NCAM1: variants seen among roughly 807,000 people sequenced by gnomAD.
NCAM1 encodes neural cell adhesion molecule 1, also known as antigen recognized by monoclonal antibody 5.1H11.
Under a neutral mutation model 109.8 loss-of-function variants are expected in NCAM1, and 14 were observed. That is an observed-to-expected ratio of 0.13 (90% confidence interval 0.08 to 0.20). The LOEUF (loss-of-function observed/expected upper bound fraction) is 0.20. Among genes scored for constraint, NCAM1 ranks in the 10% least tolerant of loss-of-function variants. The pLI is 1.00. For synonymous variants in NCAM1, 418 were observed against 442.9 expected (o/e 0.94, Z 0.70); for missense variants, 774 against 1,109.9 (o/e 0.70, Z 4.30).
chr11:113,207,018 A>C (rs1437144200), intron 5 of NCAM1, among the ~76,000 whole-genome samples: 1 of 152,256 alleles, frequency 6.6e-6, no homozygotes, highest in Non-Finnish European at 1.5e-5. Context: ...CATGCATAAA[A>C]TGTATTACTA....
At chr11:113,241,822 C>T (rs1348261821) in intron 14 of NCAM1, among the ~76,000 whole-genome samples, 6 of 152,310 alleles carry the variant, frequency 3.9e-5, no homozygotes, top group East Asian at 1.9e-4. Flanking sequence ...AGGGTGGTGC[C>T]GCCTGGCTGG....
chr11:113,050,100 T>G, intron 1 of NCAM1, among the ~76,000 whole-genome samples: 1 of 95,222 alleles, frequency 1.1e-5, no homozygotes, highest in Non-Finnish European at 1.9e-5. Flanking sequence ...TGCTCTGTGG[T>G]GAGAACGCAT....
chr11:113,168,875 C>A (rs1446378469), intron 1 of NCAM1, among the ~76,000 whole-genome samples: 3 of 152,048 alleles, frequency 2.0e-5, no homozygotes, highest in African/African-American at 7.2e-5. Context: ...GCCAGGCAAC[C>A]AATTCTATAG....
chr11:112,976,288 T>C (rs1166082602), intron 1 of NCAM1, among the ~76,000 whole-genome samples: 2 of 151,966 alleles, frequency 1.3e-5, no homozygotes, highest in Admixed American at 6.6e-5. Context: ...TTGCTCAACA[T>C]GAGAGATTTA....
chr11:113,171,672 G>T (rs1047742564), intron 1 of NCAM1, among the ~76,000 whole-genome samples: 3 of 136,448 alleles, frequency 2.2e-5, no homozygotes, highest in African/African-American at 5.3e-5. Context: ...AATAAATAAA[G>T]AGAAGAGATA....
intron 9 of NCAM1, among the ~76,000 whole-genome samples, chr11:113,224,902 G>A (rs1277381230): frequency 2.0e-5 from 3 of 152,140 alleles, no homozygotes; most frequent in Non-Finnish European, 4.4e-5. Context: ...CTAACAAACA[G>A]AAAGAACATC....
intron 1 of NCAM1, chr11:113,130,857 G>T (rs895003661): frequency 1.3e-5 from 2 of 152,202 alleles, no homozygotes; most frequent in African/African-American, 4.8e-5. Flanking sequence ...TGTGATGGGG[G>T]TGTGTGTGAT....
intron 1 of NCAM1, among the ~76,000 whole-genome samples, chr11:113,114,407 A>G (rs782031613): frequency 6.6e-5 from 10 of 152,214 alleles, no homozygotes; most frequent in Non-Finnish European, 1.3e-4. Context: ...CTCCTAGGGC[A>G]TGGGGCTTCT....
chr11:113,131,326 G>A (rs1941373461), intron 1 of NCAM1, among the ~76,000 whole-genome samples: 1 of 152,154 alleles, frequency 6.6e-6, no homozygotes, highest in African/African-American at 2.4e-5. Flanking sequence ...GGCTGTGTGA[G>A]GGATGACACA....
intron 16 of NCAM1, among the ~76,000 whole-genome samples, chr11:113,258,722 T>A (rs966327643): frequency 6.6e-6 from 1 of 152,216 alleles, no homozygotes; most frequent in Non-Finnish European, 1.5e-5. Flanking sequence ...TCTTTACAAA[T>A]TAAGTGAATG....
chr11:113,163,187 G>T (rs1057514245), intron 1 of NCAM1, among the ~76,000 whole-genome samples: 22 of 152,164 alleles, frequency 1.4e-4, no homozygotes, highest in African/African-American at 5.1e-4. Flanking sequence ...CCAGAAGAAA[G>T]GCAGAGAAGA....
chr11:113,216,398 C>T (rs369737194), intron 8 of NCAM1, among the ~76,000 whole-genome samples: 28 of 152,006 alleles, frequency 1.8e-4, no homozygotes, highest in Middle Eastern at 3.4e-3. Flanking sequence ...GTGATCCGCC[C>T]GCCTCGGCCT....
intron 1 of NCAM1, among the ~76,000 whole-genome samples, chr11:113,015,490 C>T (rs1273234588): frequency 6.6e-6 from 1 of 152,154 alleles, no homozygotes; most frequent in Non-Finnish European, 1.5e-5. Flanking sequence ...AATCCCAGCA[C>T]TTTGGGAGGC....
chr11:113,206,746 C>G (rs193087715), intron 5 of NCAM1, among the ~76,000 whole-genome samples: 1 of 152,322 alleles, frequency 6.6e-6, no homozygotes, highest in Non-Finnish European at 1.5e-5. Context: ...CTCTCCCCAT[C>G]TCATTCCTTT....
intron 1 of NCAM1, among the ~76,000 whole-genome samples, chr11:112,978,115 T>C (rs974906726): frequency 6.6e-5 from 10 of 151,796 alleles, no homozygotes; most frequent in African/African-American, 2.2e-4. Context: ...GTCTATGTTC[T>C]TGTACATCTC....
At chr11:113,170,715 A>G (rs1942961822) in intron 1 of NCAM1, among the ~76,000 whole-genome samples, 1 of 152,064 alleles carries the variant, frequency 6.6e-6, no homozygotes, top group Non-Finnish European at 1.5e-5. Flanking sequence ...TGGTTATTAA[A>G]CAGTGGGCCT....
At chr11:113,025,721 A>C (rs78025383) in intron 1 of NCAM1, among the ~76,000 whole-genome samples, 3 of 46,174 alleles carry the variant, frequency 6.5e-5, no homozygotes, top group South Asian at 1.2e-3. Context: ...ACATCTCACA[A>C]AAAAAAAAAA....
At chr11:113,085,496 C>G (rs970894747) in intron 1 of NCAM1, among the ~76,000 whole-genome samples, 2 of 152,188 alleles carry the variant, frequency 1.3e-5, no homozygotes, top group African/African-American at 4.8e-5. Flanking sequence ...CACACTTATT[C>G]TCAAACTTTT....
chr11:113,138,309 C>G (rs923873473), intron 1 of NCAM1, among the ~76,000 whole-genome samples: 2 of 152,134 alleles, frequency 1.3e-5, no homozygotes, highest in Admixed American at 6.6e-5. Context: ...TTTGTCTGGC[C>G]CAGCTGCTGT....
Sources: allele counts gnomAD v4.1 joint callset (sites outside exome capture counted in the v4.1 genomes callset), GRCh38; gene constraint gnomAD v4.1.1; transcripts MANE v1.5; gene names NCBI Gene and HGNC (gene_info 2026-07-23, HGNC 2026-07-21).